The following KIRREL3 variants were observed in gnomAD, a reference collection of about 807,000 sequenced individuals.
The protein encoded by KIRREL3 is kin of IRRE-like protein 3.
A neutral mutation model predicts 89.7 loss-of-function variants in KIRREL3; 36 were observed. The observed-to-expected ratio is 0.40, with a 90% CI of 0.31 to 0.53. KIRREL3 has a LOEUF of 0.53. KIRREL3 is among the 20% of genes least tolerant of loss of function. The pLI is 0.49. For synonymous variants in KIRREL3, 445 were observed against 441.4 expected, an observed-to-expected ratio of 1.01 and a Z score of -0.10; for missense variants, 864 against 1,056.6, an observed-to-expected ratio of 0.82 and a Z score of 2.53.
chr11:126,882,345 C>T (rs1482510535), intron 1 of KIRREL3, among the ~76,000 whole-genome samples: 2 of 152,194 alleles, frequency 1.3e-5, no homozygotes, highest in Non-Finnish European at 2.9e-5. Context: ...AAGAATGGGC[C>T]TACATCCATT....
chr11:126,431,593 AC>A lies in KIRREL3; in HGVS notation c.1589-68del, dbSNP rs1438268408. ...TGGCCTACTATCCCCCCATGATCTCACCCCGTTCCTGCGGGGGCAGCCCCTG... is the reference window on the plus strand; with the variant it reads ...TGGCCTACTATCCCCCCATGATCTCACCCGTTCCTGCGGGGGCAGCCCCTG... On this transcript the variant is annotated intron_variant, in intron 13 of 16. Transcript: ENST00000525144. This position sits in a 1 kb window ranked among gnomAD's most constrained non-coding sequence, Gnocchi z 7.1. 1.4e-6 allele frequency: 2 copies of A among 1,438,988 alleles called. No homozygotes were observed. The highest frequency in any genetic ancestry group is 1.4e-5 in the African/African-American group (1 of 71,328). 89.1% of individuals were successfully genotyped at this position (1,438,988 alleles called of 1,614,324 possible). A position where few individuals can be genotyped will look rare whatever the true frequency, so the allele number is the denominator to read the frequency against.
At chr11:126,674,595 T>C (rs1436452001) in intron 1 of KIRREL3, among the ~76,000 whole-genome samples, 1 of 152,176 alleles carries the variant, frequency 6.6e-6, no homozygotes, top group African/African-American at 2.4e-5. Flanking sequence ...AATACTGACA[T>C]TCACCAACAG....
At chr11:126,580,688 G>A (rs2134664467) in intron 1 of KIRREL3, among the ~76,000 whole-genome samples, 1 of 152,222 alleles carries the variant, frequency 6.6e-6, no homozygotes, top group African/African-American at 2.4e-5. Context: ...TGTGCACCCT[G>A]GACAAGCAGG....
intron 1 of KIRREL3, among the ~76,000 whole-genome samples, chr11:126,868,015 C>A (rs2134652527): frequency 7.4e-6 from 1 of 135,644 alleles, no homozygotes; most frequent in South Asian, 2.2e-4. Flanking sequence ...CTCTCTCTTC[C>A]CATTATGGAA....
At chr11:126,446,916 C>G (rs1268025479) in intron 8 of KIRREL3, 30 bp from the exon 9 acceptor site, 2 of 1,598,108 alleles carry the variant, frequency 1.3e-6, no homozygotes, top group African/African-American at 1.3e-5. Context: ...AAGACAGGTT[C>G]AGGTGGGTGG....
Position 126,783,950 on chromosome 11 carries a change from G to A in KIRREL3, c.55+216505C>T, listed in dbSNP as rs540819434. ...CCCTTGATAGGATACGATGGAAACA[G>A]CACTTGTCTTTGTGGTCTTCCCCCT... On this transcript the variant is annotated intron_variant, in intron 1 of 16. Coordinates refer to ENST00000525144, the MANE Select transcript of KIRREL3 (RefSeq NM_032531.4). This position sits in a 1 kb window ranked among gnomAD's most constrained non-coding sequence, Gnocchi z 4.3. Among the ~76,000 whole-genome samples the A allele has an allele frequency of 4.4e-4, 67 of 152,340 alleles. No homozygotes were observed. The highest frequency in any genetic ancestry group is 1.5e-3 in the African/African-American group (64 of 41,584).
At chr11:126,437,097 C>G (rs1955376506) in intron 11 of KIRREL3, 88 bp from the exon 12 acceptor site, 1 of 1,235,100 alleles carries the variant, frequency 8.1e-7, no homozygotes, top group Admixed American at 2.9e-5. Context: ...CTGTCCTGCT[C>G]ATGTTCATGC....
intron 1 of KIRREL3, among the ~76,000 whole-genome samples, chr11:126,600,509 C>G (rs1027891416): frequency 5.3e-5 from 8 of 152,248 alleles, no homozygotes; most frequent in Admixed American, 1.3e-4. Flanking sequence ...TATTTAAACT[C>G]TAGGTCCTTA....
In KIRREL3 at chr11:126,948,494, C is replaced by T. The variant is rs892239056; in HGVS notation, c.55+51961G>A. On this transcript the variant is annotated intron_variant, in intron 1 of 16. Coordinates refer to ENST00000525144, the MANE Select transcript of KIRREL3 (RefSeq NM_032531.4). The surrounding 1 kb of genome is among the most constrained non-coding windows in gnomAD (Gnocchi z 4.5). ...AGGGACTCTTGTTCATAGTGCAATGCCCAAAGAACTAGCATAGTTCTTCCC... is the reference window on the plus strand; with the variant it reads ...AGGGACTCTTGTTCATAGTGCAATGTCCAAAGAACTAGCATAGTTCTTCCC... Among the ~76,000 whole-genome samples, 3 of 152,060 alleles carry T rather than the reference C, an allele frequency of 2.0e-5. No individual in the cohort carries two copies. The highest frequency in any genetic ancestry group is 4.4e-5 in the Non-Finnish European group (3 of 68,020).
intron 2 of KIRREL3, among the ~76,000 whole-genome samples, chr11:126,543,761 G>A (rs377451436): frequency 9.6e-4 from 147 of 152,332 alleles, no homozygotes; most frequent in Middle Eastern, 3.4e-3. Flanking sequence ...GGCAAAAGTC[G>A]TTGGCACCAC....
Position 126,627,048 on chromosome 11 carries a change from C to T in KIRREL3, c.56-64136G>A, listed in dbSNP as rs1382815752. Among the ~76,000 whole-genome samples the T allele has an allele frequency of 6.6e-6, 1 of 151,742 alleles. No individual in the cohort carries two copies. Among genetic ancestry groups the T allele is most frequent in the African/African-American group, 2.4e-5 (1 of 41,312 alleles). On this transcript the variant is annotated intron_variant, in intron 1 of 16. Coordinates refer to ENST00000525144, the MANE Select transcript of KIRREL3 (RefSeq NM_032531.4). The surrounding 1 kb of genome is among the most constrained non-coding windows in gnomAD (Gnocchi z 5.0). The stretch of plus-strand genomic sequence containing the variant: ...AAAAGAATAACCACAGTTTTGAAGC[C>T]TCAAAGGAAGGTGTGTGTGCATGCA...
At chr11:126,887,911 G>A (rs1186638234) in intron 1 of KIRREL3, among the ~76,000 whole-genome samples, 1 of 152,210 alleles carries the variant, frequency 6.6e-6, no homozygotes, top group African/African-American at 2.4e-5. Context: ...GAGAGAGGGG[G>A]TGGGAACAGG....
At chr11:126,617,435 C>A (rs1005799601) in intron 1 of KIRREL3, among the ~76,000 whole-genome samples, 2 of 152,184 alleles carry the variant, frequency 1.3e-5, no homozygotes, top group African/African-American at 2.4e-5. Context: ...GTTGGACATT[C>A]ATTTTGATTT....
intron 1 of KIRREL3, among the ~76,000 whole-genome samples, chr11:126,828,317 G>A (rs567482087): frequency 6.6e-6 from 1 of 152,198 alleles, no homozygotes; most frequent in African/African-American, 2.4e-5. Flanking sequence ...ACCTGCTTGA[G>A]GTGGCCCAGG....
chr11:126,929,021 A>G (rs1466949694), intron 1 of KIRREL3, among the ~76,000 whole-genome samples: 1 of 152,208 alleles, frequency 6.6e-6, no homozygotes, highest in African/African-American at 2.4e-5. Context: ...TCAGAGATAG[A>G]AAGACAGAGG....
Position 126,719,263 on chromosome 11 carries a change from G to C in KIRREL3, c.56-156351C>G, listed in dbSNP as rs770449886. Among the ~76,000 whole-genome samples, 7 of 152,092 alleles carry C rather than the reference G, an allele frequency of 4.6e-5. No homozygotes were observed. The highest frequency in any genetic ancestry group is 8.8e-5 in the Non-Finnish European group (6 of 68,026). On this transcript the variant is annotated intron_variant, in intron 1 of 16. Coordinates refer to ENST00000525144, the MANE Select transcript of KIRREL3 (RefSeq NM_032531.4). The surrounding 1 kb of genome is among the most constrained non-coding windows in gnomAD (Gnocchi z 4.7). ...ATGACTCCATGTTGACAAATCCAAT[G>C]GTCAACTCCTTGTTGACACAAATGG...
rs1347613045 is a variant in KIRREL3, at chr11:126,568,361, G to A, written c.56-5449C>T. Among the ~76,000 whole-genome samples, 1 of 152,236 alleles carries A rather than the reference G, an allele frequency of 6.6e-6. No homozygotes were observed. The highest frequency in any genetic ancestry group is 1.9e-4 in the East Asian group (1 of 5,188). On this transcript the variant is annotated intron_variant, in intron 1 of 16. Transcript: ENST00000525144. The surrounding 1 kb of genome is among the most constrained non-coding windows in gnomAD (Gnocchi z 4.6). ...GCTGCCATACTCCAGGTGGGAGATG[G>A]TGGGCTTGCATCTGCTGCTTCTTCC... is the stretch of plus-strand genomic sequence containing the variant.
chr11:126,720,035 C>T (rs1213774340), intron 1 of KIRREL3, among the ~76,000 whole-genome samples: 1 of 152,210 alleles, frequency 6.6e-6, no homozygotes, highest in Non-Finnish European at 1.5e-5. Context: ...AACTAACCTC[C>T]TTTCTCAAGC....
Position 126,703,852 on chromosome 11 carries a change from A to G in KIRREL3, c.56-140940T>C, listed in dbSNP as rs556817398. ...CCTTGCCTTGGGATGTCCTCCCAAC[A>G]CAGGCCATTAATCTCACTCAAGGGC... On this transcript the variant is annotated intron_variant, in intron 1 of 16. Transcript: ENST00000525144. This position sits in a 1 kb window ranked among gnomAD's most constrained non-coding sequence, Gnocchi z 4.6. 1.8e-4 allele frequency among the ~76,000 whole-genome samples: 27 copies of G among 152,282 alleles called. No individual in the cohort carries two copies. Among genetic ancestry groups the G allele is most frequent in the African/African-American group, 6.5e-4 (27 of 41,558 alleles).
Sources: gnomAD v4.1 joint callset for allele counts (sites outside exome capture counted in the v4.1 genomes callset) on GRCh38, gnomAD v4.1.1 for gene constraint, Gnocchi (gnomAD v3.1) non-coding constraint, MANE v1.5 for transcripts, NCBI Gene and HGNC (gene_info 2026-07-23, HGNC 2026-07-21) for gene names.